BAHD1: variants seen among roughly 807,000 people sequenced by gnomAD.
BAHD1 encodes the protein bromo adjacent homology domain-containing 1 protein.
In BAHD1, 20 loss-of-function variants were observed where a neutral mutation model predicts 63.1. The ratio of observed to expected loss-of-function variants is 0.32; its 90% CI spans 0.22 to 0.46. BAHD1 has a LOEUF of 0.46. Among genes scored for constraint, BAHD1 ranks in the 20% least tolerant of loss-of-function variants. BAHD1 has a pLI of 1.00. For synonymous variants in BAHD1, 408 were observed against 426.8 expected (o/e 0.96, Z 0.54); for missense variants, 939 against 1,071.8 (o/e 0.88, Z 1.73).
At chr15:40,455,371 G>A (rs1456180934) in intron 1 of BAHD1, among the ~76,000 whole-genome samples, 3 of 152,200 alleles carry the variant, frequency 2.0e-5, no homozygotes, top group Non-Finnish European at 4.4e-5. Flanking sequence ...TAGTCCACAG[G>A]GAACAGATTC....
intron 1 of BAHD1, among the ~76,000 whole-genome samples, chr15:40,446,155 A>G (rs1173479086): frequency 1.3e-5 from 2 of 152,254 alleles, no homozygotes; most frequent in Non-Finnish European, 2.9e-5. Context: ...TAAGTGGTGT[A>G]AAATGGGCTG....
chr15:40,458,896 C>A lies in BAHD1; in HGVS notation c.432C>A (p.Arg144=). 6.3e-7 allele frequency: 1 copy of A among 1,597,800 alleles called. No individual in the cohort carries two copies. Among genetic ancestry groups the A allele is most frequent in the Non-Finnish European group, 8.5e-7 (1 of 1,170,732 alleles). The change falls in exon 2 of 7, where the codon CGC becomes CGA. Residue 144 remains arginine (R), a synonymous_variant. Coordinates refer to ENST00000416165, the MANE Select transcript of BAHD1 (RefSeq NM_014952.5). The surrounding 1 kb of genome is among the most constrained non-coding windows in gnomAD (Gnocchi z 4.7). ...ACACCAGCAGCCTGGCAGGCACCCG[C>A]CGCAGTCGAGCAGGGGATCCCCACC... ...REDTSSLAGT[R]RSRAGDPHRS... is the part of the protein sequence containing the mutation.
chr15:40,442,809 G>A (rs1377093719), intron 1 of BAHD1, among the ~76,000 whole-genome samples: 1 of 152,140 alleles, frequency 6.6e-6, no homozygotes, highest in East Asian at 1.9e-4. Context: ...TGTGCCACCT[G>A]AGACTTTCCT....
chr15:40,437,985 G>A (rs1000281142), upstream of BAHD1, among the ~76,000 whole-genome samples: 2 of 152,220 alleles, frequency 1.3e-5, no homozygotes, highest in Admixed American at 6.5e-5. Context: ...GGTGTCTGGG[G>A]AGAGAGAGCC....
At chr15:40,455,575 A>G (rs746150748) in intron 1 of BAHD1, among the ~76,000 whole-genome samples, 1 of 152,188 alleles carries the variant, frequency 6.6e-6, no homozygotes, top group Non-Finnish European at 1.5e-5. Flanking sequence ...GGGGTGGCCA[A>G]TCATCCCCCT....
chr15:40,458,710 T>C lies in BAHD1; in HGVS notation c.246T>C (p.Gly82=). ...VLLTRLENVA[G]PRSADEADEL... is the part of the protein sequence containing the mutation. ...TGACTCGCCTGGAGAATGTGGCCGG[T>C]CCCCGGAGTGCAGATGAGGCTGATG... Residue 82 remains glycine, a synonymous_variant, in exon 2 of 7, where the codon GGT becomes GGC. Coordinates refer to ENST00000416165, the MANE Select transcript of BAHD1 (RefSeq NM_014952.5). The surrounding 1 kb of genome is among the most constrained non-coding windows in gnomAD (Gnocchi z 4.7). The C allele has an allele frequency of 6.2e-7, 1 of 1,613,600 alleles. No homozygotes were observed. Among genetic ancestry groups the C allele is most frequent in the Non-Finnish European group, 8.5e-7 (1 of 1,179,996 alleles).
intron 1 of BAHD1, among the ~76,000 whole-genome samples, chr15:40,454,915 C>T (rs1158832583): frequency 6.6e-6 from 1 of 152,192 alleles, no homozygotes; most frequent in African/African-American, 2.4e-5. Flanking sequence ...TGGGCCATCC[C>T]TTGTGGTTTG....
chr15:40,463,950 A>G lies in BAHD1; in HGVS notation c.1905A>G (p.Lys635=). The part of the protein sequence containing the change: ...TIRVRDTVLL[K]SGPRKTSTPY... ...GAGTCCGGGACACCGTCCTTCTCAAATCAGGCCCACGAAAGACCTCCACAC... is the reference window on the plus strand; with the variant it reads ...GAGTCCGGGACACCGTCCTTCTCAAGTCAGGCCCACGAAAGACCTCCACAC... The change falls in exon 4 of 7, where the codon AAA becomes AAG. Residue 635 remains lysine (K), a synonymous_variant. Coordinates refer to ENST00000416165, the MANE Select transcript of BAHD1 (RefSeq NM_014952.5). 2 of 1,614,208 alleles carry G rather than the reference A, an allele frequency of 1.2e-6. No homozygotes were observed. Among genetic ancestry groups the G allele is most frequent in the Non-Finnish European group, 1.7e-6 (2 of 1,180,036 alleles).
At chr15:40,464,259 C>G (rs539620550) in intron 4 of BAHD1, 1 of 650,176 alleles carries the variant, frequency 1.5e-6, no homozygotes, top group Non-Finnish European at 2.6e-6. Flanking sequence ...CCTGTCCCCC[C>G]ACCTCACCTG....
intron 1 of BAHD1, among the ~76,000 whole-genome samples, chr15:40,446,537 A>G (rs921327032): frequency 6.6e-6 from 1 of 152,260 alleles, no homozygotes; most frequent in African/African-American, 2.4e-5. Flanking sequence ...CAAAAAAATA[A>G]CATTGTCTTT....
chr15:40,459,810 A>T lies in BAHD1; in HGVS notation c.1346A>T (p.Tyr449Phe), dbSNP rs775813863. The T allele has an allele frequency of 6.2e-7, 1 of 1,613,436 alleles. No individual in the cohort carries two copies. The highest frequency in any genetic ancestry group is 8.5e-7 in the Non-Finnish European group (1 of 1,179,912). Residue 449 changes from tyrosine (Y) to phenylalanine (F), a missense_variant, in exon 2 of 7, where the codon TAC becomes TTC. Physicochemically the swap from Tyr to Phe is conservative, Grantham distance 22 (BLOSUM62 3). Transcript: ENST00000416165. ...CSSEDTGVNGYSICGVLPLSV... is the reference protein window; with the variant it reads ...CSSEDTGVNGFSICGVLPLSV... ...AGCGAGGACACTGGAGTGAATGGCT[A>T]CAGCATCTGCGGAGTGTTGCCCCTG...
chr15:40,463,507 C>T (rs1286483271), intron 3 of BAHD1, among the ~76,000 whole-genome samples: 1 of 152,194 alleles, frequency 6.6e-6, no homozygotes, highest in Non-Finnish European at 1.5e-5. Flanking sequence ...TTGTCAAAGG[C>T]TGTGCCCCTT....
At position 40,459,273 on chromosome 15, in the gene BAHD1, C is replaced by T; in HGVS notation, c.809C>T (p.Ala270Val). Residue 270 changes from alanine (A) to valine (V), a missense_variant, in exon 2 of 7, where the codon GCA (alanine) becomes GTA (valine). Transcript: ENST00000416165. ...AWQGASSGEA[A>V]GPPGWQGCPD... Reference sequence around the variant, plus strand: ...CAGGGGGCCAGCTCTGGGGAGGCTGCAGGCCCACCTGGCTGGCAAGGCTGC... The same window carrying T: ...CAGGGGGCCAGCTCTGGGGAGGCTGTAGGCCCACCTGGCTGGCAAGGCTGC... The T allele has an allele frequency of 6.2e-7, 1 of 1,612,840 alleles. No individual in the cohort carries two copies. Among genetic ancestry groups the T allele is most frequent in the Non-Finnish European group, 8.5e-7 (1 of 1,179,942 alleles).
At position 40,466,321 on chromosome 15, in the gene BAHD1, A is replaced by G; in HGVS notation, c.*191A>G. 1.9e-6 allele frequency: 1 copy of G among 536,944 alleles called. No individual in the cohort carries two copies. The allele number at this position is 536,944 out of a possible 1,614,324, so 33.3% of individuals were successfully genotyped here. On this transcript the variant is annotated 3_prime_UTR_variant, in exon 7 of 7. Transcript: ENST00000416165. ...GGGAGGGAGCTGGGGAGGCCAGGGTATAAGAAAAGCATCAGAACTCTCAGC... is the reference window on the plus strand; with the variant it reads ...GGGAGGGAGCTGGGGAGGCCAGGGTGTAAGAAAAGCATCAGAACTCTCAGC...
intron 3 of BAHD1, among the ~76,000 whole-genome samples, chr15:40,463,567 T>A (rs1249034978): frequency 6.6e-6 from 1 of 152,164 alleles, no homozygotes; most frequent in Non-Finnish European, 1.5e-5. Context: ...TTAGGAAGCA[T>A]GAGCACTTAC....
At chr15:40,438,907 GC>G (rs1324029258), upstream of BAHD1, among the ~76,000 whole-genome samples, 1 of 152,202 alleles carries the variant, frequency 6.6e-6, no homozygotes, top group Non-Finnish European at 1.5e-5. Context: ...TTCTGTCTTG[GC>G]CTGTAGCATG....
At chr15:40,445,255 G>T (rs1283372510) in intron 1 of BAHD1, among the ~76,000 whole-genome samples, 3 of 62,986 alleles carry the variant, frequency 4.8e-5, no homozygotes, top group Admixed American at 1.6e-4. Context: ...CTCCTTTTGG[G>T]TAAAAAAAAA....
chr15:40,466,226 G>A lies in BAHD1; in HGVS notation c.*96G>A, dbSNP rs948111084. 32 of 1,274,900 alleles carry A rather than the reference G, an allele frequency of 2.5e-5. No homozygotes were observed. The African/African-American group carries it at 4.7e-4, about 19-fold the overall frequency. The allele number at this position is 1,274,900 out of a possible 1,614,324, so 79.0% of individuals were successfully genotyped here. A position where few individuals can be genotyped will look rare whatever the true frequency, so the allele number is the denominator to read the frequency against. On this transcript the variant is annotated 3_prime_UTR_variant, in exon 7 of 7. Transcript: ENST00000416165. ...CAGCACTTGGTTAGGGGGCCACAGAGGCCTAAGTTTGCTGGCCTGTGGTTT... is the reference window on the plus strand; with the variant it reads ...CAGCACTTGGTTAGGGGGCCACAGAAGCCTAAGTTTGCTGGCCTGTGGTTT...
chr15:40,457,295 C>G (rs918369481), intron 1 of BAHD1, among the ~76,000 whole-genome samples: 1 of 151,936 alleles, frequency 6.6e-6, no homozygotes, highest in Non-Finnish European at 1.5e-5. Flanking sequence ...TTTCTCTACC[C>G]CCAGGAATAT....
Sources: allele counts gnomAD v4.1 joint callset (sites outside exome capture counted in the v4.1 genomes callset), GRCh38; gene constraint gnomAD v4.1.1; non-coding constraint Gnocchi (gnomAD v3.1); transcripts MANE v1.5; gene names NCBI Gene and HGNC (gene_info 2026-07-23, HGNC 2026-07-21).